Variants in PRELID2 observed in about 807,000 individuals in gnomAD.
PRELID2 encodes the protein PRELI domain-containing protein 2.
Under a neutral mutation model 28.4 loss-of-function variants are expected in PRELID2, and 25 were observed. The ratio of observed to expected loss-of-function variants is 0.88; its 90% CI spans 0.64 to 1.23. PRELID2 has a LOEUF of 1.23. Ranked by LOEUF, PRELID2 falls within the 50% of genes most tolerant of loss-of-function variation. PRELID2 has a pLI of 0.00. For missense variants in PRELID2, 201 were observed against 214.4 expected, an observed-to-expected ratio of 0.94 and a Z score of 0.39; for synonymous variants, 76 against 71.6, an observed-to-expected ratio of 1.06 and a Z score of -0.31.
rs1004101822 is a variant in PRELID2, at chr5:145,492,421, C to A, written n.71-19106G>T. On this transcript the variant is annotated intron_variant and non_coding_transcript_variant, in intron 1 of 2. Transcript: ENST00000510259. ...TTCCTTATATATTTTGGATATTGAC[C>A]CCTTATCAGATGTATAGTTTGCAAA... 3.9e-5 allele frequency among the ~76,000 whole-genome samples: 4 copies of A among 101,674 alleles called. 1 individual carries two copies. Among genetic ancestry groups the A allele is most frequent in the Non-Finnish European group, 9.8e-5 (4 of 40,966 alleles). 66.7% of individuals were successfully genotyped at this position (101,674 alleles called of 152,430 possible).
At chr5:145,396,487 TAAA>T in the PRELID2 span, among the ~76,000 whole-genome samples, 20 of 128,922 alleles carry the variant, frequency 1.6e-4, no homozygotes, top group East Asian at 2.1e-4. Context: ...TCACAGATTG[TAAA>T]AAAAAAAAAA....
intron 1 of PRELID2, among the ~76,000 whole-genome samples, chr5:145,640,166 C>A (rs558302931): frequency 4.6e-5 from 7 of 152,206 alleles, no homozygotes; most frequent in African/African-American, 1.7e-4. Context: ...AAAGGTGAAA[C>A]CCCGTCTGTA....
At chr5:145,324,640 A>C in the PRELID2 span, among the ~76,000 whole-genome samples, 1 of 152,192 alleles carries the variant, frequency 6.6e-6, no homozygotes, top group African/African-American at 2.4e-5. Flanking sequence ...TGTTTTTATA[A>C]TAATGCTTAT....
At chr5:145,663,702 A>G (rs969761095) in intron 1 of PRELID2, among the ~76,000 whole-genome samples, 2 of 152,136 alleles carry the variant, frequency 1.3e-5, no homozygotes, top group Non-Finnish European at 2.9e-5. Flanking sequence ...AGCAAGGTAG[A>G]TCTGAATCCT....
intron 1 of PRELID2, among the ~76,000 whole-genome samples, chr5:145,652,342 C>T (rs1754313123): frequency 1.3e-5 from 2 of 150,294 alleles, no homozygotes; most frequent in South Asian, 4.2e-4. Context: ...GGATGTTATC[C>T]AGAACTTCCA....
intron 1 of PRELID2, among the ~76,000 whole-genome samples, chr5:145,703,057 T>G (rs143675412): frequency 1.3e-5 from 2 of 152,178 alleles, no homozygotes; most frequent in Non-Finnish European, 2.9e-5. Context: ...TGGGTCCAAG[T>G]TGGAAGCTAG....
intron 1 of PRELID2, among the ~76,000 whole-genome samples, chr5:145,522,416 CGAG>C (rs1752570658): frequency 1.3e-5 from 2 of 149,696 alleles, no homozygotes; most frequent in Middle Eastern, 3.2e-3. Context: ...CACACACACA[CGAG>C]AGAGAGAGAG....
At chr5:145,339,500 A>G in the PRELID2 span, among the ~76,000 whole-genome samples, 5 of 152,208 alleles carry the variant, frequency 3.3e-5, no homozygotes, top group Non-Finnish European at 4.4e-5. Context: ...ATTGCTCCAG[A>G]TAGAGAACTA....
intron 1 of PRELID2, among the ~76,000 whole-genome samples, chr5:145,488,107 G>C (rs1342231457): frequency 3.6e-5 from 5 of 137,808 alleles, no homozygotes; most frequent in Admixed American, 3.0e-4. Flanking sequence ...CTGGGCAACA[G>C]AGCGAGACTC....
At chr5:145,356,999 T>C in the PRELID2 span, among the ~76,000 whole-genome samples, 3 of 152,162 alleles carry the variant, frequency 2.0e-5, no homozygotes, top group Non-Finnish European at 2.9e-5. Context: ...ACTTATGAAG[T>C]TTAGTTTGGC....
chr5:145,750,345 G>A (rs960396435), intron 1 of PRELID2, among the ~76,000 whole-genome samples: 4 of 151,688 alleles, frequency 2.6e-5, no homozygotes, highest in Non-Finnish European at 4.4e-5. Flanking sequence ...CCTCACATAT[G>A]AGGAAAATGA....
chr5:145,251,320 T>C, the PRELID2 span, among the ~76,000 whole-genome samples: 3 of 152,144 alleles, frequency 2.0e-5, no homozygotes, highest in Non-Finnish European at 4.4e-5. Context: ...ATTTACAGAA[T>C]ACACAATAGC....
chr5:145,352,572 T>C, the PRELID2 span, among the ~76,000 whole-genome samples: 9 of 152,230 alleles, frequency 5.9e-5, no homozygotes, highest in Non-Finnish European at 1.2e-4. Flanking sequence ...TGGAGGTTTC[T>C]GACATGGCCT....
At chr5:145,330,101 C>G in the PRELID2 span, among the ~76,000 whole-genome samples, 3 of 152,068 alleles carry the variant, frequency 2.0e-5, no homozygotes, top group African/African-American at 7.2e-5. Context: ...GTTGAACCAG[C>G]CTTGCATCAC....
At chr5:145,517,483 G>A (rs191308075) in intron 1 of PRELID2, among the ~76,000 whole-genome samples, 145 of 152,186 alleles carry the variant, frequency 9.5e-4, no homozygotes, top group African/African-American at 3.3e-3. Flanking sequence ...TAAAAAGTCA[G>A]GAAACAACAG....
Position 145,709,299 on chromosome 5 carries a change from G to A in PRELID2, n.70+55632C>T, listed in dbSNP as rs539736872. Among the ~76,000 whole-genome samples, 6 of 152,264 alleles carry A rather than the reference G, an allele frequency of 3.9e-5. No individual in the cohort carries two copies. In the East Asian group the frequency reaches 9.6e-4, roughly 24 times the overall value. ...CCCATAGCCACAATCATTTCAAAGT[G>A]CAAATAATTAAGTAGCTTTCTGTGC... On this transcript the variant is annotated intron_variant and non_coding_transcript_variant, in intron 1 of 2. Transcript: ENST00000510259.
At chr5:145,689,980 G>A (rs1019568065) in intron 1 of PRELID2, among the ~76,000 whole-genome samples, 7 of 149,962 alleles carry the variant, frequency 4.7e-5, no homozygotes, top group Admixed American at 2.0e-4. Flanking sequence ...TTCCTTCTGT[G>A]GGGGTCTTTT....
At chr5:145,292,664 CAT>C in the PRELID2 span, among the ~76,000 whole-genome samples, 33,743 of 151,948 alleles carry the variant, frequency 0.22, 4,610 homozygotes, top group Non-Finnish European at 0.3. Context: ...CACTTAAGAA[CAT>C]AAAAAACAGT....
Position 145,474,757 on chromosome 5 carries a change from A to C in PRELID2, n.71-1442T>G, listed in dbSNP as rs1397220462. Among the ~76,000 whole-genome samples the C allele has an allele frequency of 4.6e-5, 7 of 152,308 alleles. No individual in the cohort carries two copies. In the East Asian group the frequency reaches 1.4e-3, roughly 29 times the overall value. On this transcript the variant is annotated intron_variant and non_coding_transcript_variant, in intron 1 of 2. Coordinates refer to the PRELID2 transcript ENST00000510259. ...TCTAAAGAAGTAAGTTGGGATGTGC[A>C]TGCTACAGATTGTAGTAGTAACTTA...
Sources: gnomAD v4.1 joint callset for allele counts (sites outside exome capture counted in the v4.1 genomes callset) on GRCh38, gnomAD v4.1.1 for gene constraint, MANE v1.5 for transcripts, NCBI Gene and HGNC (gene_info 2026-07-23, HGNC 2026-07-21) for gene names.